The following IP6K1 variants were observed in gnomAD, a reference collection of about 807,000 sequenced individuals.
The protein encoded by IP6K1 is inositol hexakisphosphate kinase 1, also known as ATP:1D-myo-inositol-hexakisphosphate phosphotransferase.
A neutral mutation model predicts 38.3 loss-of-function variants in IP6K1; 13 were observed. That is an observed-to-expected ratio of 0.34 (90% CI 0.22 to 0.54). IP6K1 has a LOEUF of 0.54. Among genes scored for constraint, IP6K1 ranks in the 20% least tolerant of loss-of-function variants. IP6K1 has a pLI of 0.92. For missense variants in IP6K1, 397 were observed against 599.8 expected, an observed-to-expected ratio of 0.66 and a Z score of 3.53; for synonymous variants, 212 against 229.9, an observed-to-expected ratio of 0.92 and a Z score of 0.70.
intron 1 of IP6K1, among the ~76,000 whole-genome samples, chr3:49,783,814 A>G (rs1421306973): frequency 6.6e-6 from 1 of 152,034 alleles, no homozygotes; most frequent in Non-Finnish European, 1.5e-5. Flanking sequence ...TAATGAACTA[A>G]AGATTCAAAA....
intron 1 of IP6K1, among the ~76,000 whole-genome samples, chr3:49,767,396 T>A (rs1235077234): frequency 6.6e-6 from 1 of 152,012 alleles, no homozygotes; most frequent in Non-Finnish European, 1.5e-5. Flanking sequence ...CTGGCTAACA[T>A]GGTGAAACCC....
chr3:49,786,192 T>A (rs1357545917), intron 1 of IP6K1, 162 bp downstream of exon 1: 1 of 152,254 alleles, frequency 6.6e-6, no homozygotes, highest in Non-Finnish European at 1.5e-5. Flanking sequence ...GGTGCCAGCA[T>A]CTGGGAGGCT....
At chr3:49,744,160 T>C (rs1242124002) in intron 2 of IP6K1, among the ~76,000 whole-genome samples, 1 of 150,758 alleles carries the variant, frequency 6.6e-6, no homozygotes, top group Non-Finnish European at 1.5e-5. Context: ...CCCAGCACTT[T>C]GGGAGGCCGA....
In IP6K1 at chr3:49,728,297, G is replaced by A; in HGVS notation, c.617-19C>T. 6.2e-7 allele frequency: 1 copy of A among 1,608,364 alleles called. No homozygotes were observed. Among genetic ancestry groups the A allele is most frequent in the South Asian group, 1.1e-5 (1 of 90,992 alleles). On this transcript the variant is annotated intron_variant, in intron 4 of 5. Transcript: ENST00000321599. The stretch of plus-strand genomic sequence containing the variant: ...AGGAACTCTGGGCCACGGTCAAGGA[G>A]AATGACAACCACACTCACCATCAGC...
At chr3:49,753,887 G>C (rs2080799675) in intron 1 of IP6K1, among the ~76,000 whole-genome samples, 1 of 152,154 alleles carries the variant, frequency 6.6e-6, no homozygotes, top group South Asian at 2.1e-4. Flanking sequence ...TTTGATATAT[G>C]AAGGAAAAAT....
chr3:49,758,632 T>C (rs540931524), intron 1 of IP6K1: 1 of 152,398 alleles, frequency 6.6e-6, no homozygotes, highest in Non-Finnish European at 1.5e-5. Flanking sequence ...TGAGAAAAGC[T>C]AGTATCTTTC....
intron 1 of IP6K1, among the ~76,000 whole-genome samples, chr3:49,763,107 T>C (rs1459870749): frequency 6.9e-6 from 1 of 144,014 alleles, no homozygotes; most frequent in Non-Finnish European, 1.5e-5. Flanking sequence ...ATTATTTCTT[T>C]TTTTTTTTTT....
At chr3:49,746,351 A>G (rs2080720557) in intron 2 of IP6K1, among the ~76,000 whole-genome samples, 1 of 149,366 alleles carries the variant, frequency 6.7e-6, no homozygotes. Flanking sequence ...GTATACACTT[A>G]CAATTAAATA....
In IP6K1 at chr3:49,780,306, T is replaced by TCACACACACACACACACACACACACACA. The variant is rs1405695613; in HGVS notation, c.-129+6047_-129+6048insTGTGTGTGTGTGTGTGTGTGTGTGTGTG. ...AGCACACGAGAATCTTTATCATCTTTCATACACACACACACACACACACAC... is the reference window on the plus strand; with the variant it reads ...AGCACACGAGAATCTTTATCATCTTTCACACACACACACACACACACACACACACATACACACACACACACACACACAC... On this transcript the variant is annotated intron_variant, in intron 1 of 5. Transcript: ENST00000321599. Among the ~76,000 whole-genome samples the TCACACACACACACACACACACACACACA allele has an allele frequency of 7.7e-3, 84 of 10,840 alleles. 2 individuals are homozygous for TCACACACACACACACACACACACACACA. The highest frequency in any genetic ancestry group is 0.015 in the African/African-American group (67 of 4,362). 7.1% of individuals were successfully genotyped at this position (10,840 alleles called of 152,430 possible). A position where few individuals can be genotyped will look rare whatever the true frequency, so the allele number is the denominator to read the frequency against.
chr3:49,784,902 A>G (rs1039703223), intron 1 of IP6K1, among the ~76,000 whole-genome samples: 1 of 152,076 alleles, frequency 6.6e-6, no homozygotes, highest in Admixed American at 6.6e-5. Context: ...CCGAGATGGC[A>G]CCACTGTACT....
chr3:49,767,664 G>A (rs2080923467), intron 1 of IP6K1, among the ~76,000 whole-genome samples: 1 of 151,996 alleles, frequency 6.6e-6, no homozygotes, highest in South Asian at 2.1e-4. Flanking sequence ...TCAACACTTT[G>A]GGAGGCTGAT....
intron 1 of IP6K1, among the ~76,000 whole-genome samples, chr3:49,765,864 G>A (rs909997642): frequency 6.6e-5 from 10 of 151,016 alleles, no homozygotes; most frequent in Admixed American, 2.0e-4. Flanking sequence ...GCAACACAGC[G>A]AAACCCCATA....
At chr3:49,754,910 G>A (rs774026171) in intron 1 of IP6K1, among the ~76,000 whole-genome samples, 10 of 141,722 alleles carry the variant, frequency 7.1e-5, no homozygotes, top group Non-Finnish European at 1.5e-4. Flanking sequence ...TTAACCACTT[G>A]GGTTTGATAT....
chr3:49,747,032 AATGTT>A (rs1331471008), intron 2 of IP6K1, among the ~76,000 whole-genome samples: 8 of 152,214 alleles, frequency 5.3e-5, no homozygotes, highest in East Asian at 1.9e-4. Context: ...TAAAATGGTG[AATGTT>A]ATGTTATGTA....
At chr3:49,785,128 T>G (rs1249252272) in intron 1 of IP6K1, among the ~76,000 whole-genome samples, 1 of 152,166 alleles carries the variant, frequency 6.6e-6, no homozygotes, top group Non-Finnish European at 1.5e-5. Context: ...ACCTGCACAC[T>G]CTACTGAGGA....
intron 3 of IP6K1, among the ~76,000 whole-genome samples, chr3:49,737,555 G>A (rs1007679412): frequency 3.3e-5 from 5 of 151,994 alleles, no homozygotes; most frequent in African/African-American, 1.2e-4. Context: ...GTGTGGTGGT[G>A]CACGCCTGTA....
chr3:49,737,737 G>A (rs951506271), intron 3 of IP6K1, among the ~76,000 whole-genome samples: 2 of 152,074 alleles, frequency 1.3e-5, no homozygotes, highest in African/African-American at 2.4e-5. Flanking sequence ...CCAACACAAC[G>A]GAAACTAAAT....
chr3:49,772,261 CAT>C (rs1354811819), intron 1 of IP6K1, among the ~76,000 whole-genome samples: 1 of 145,736 alleles, frequency 6.9e-6, no homozygotes, highest in Non-Finnish European at 1.5e-5. Context: ...GTGTGTAACA[CAT>C]ATATATGTAA....
At chr3:49,765,326 G>C (rs1313849399) in intron 1 of IP6K1, among the ~76,000 whole-genome samples, 1 of 151,920 alleles carries the variant, frequency 6.6e-6, no homozygotes, top group Non-Finnish European at 1.5e-5. Flanking sequence ...CACTGGTAAG[G>C]GTAACTACAT....
Sources: allele counts gnomAD v4.1 joint callset (sites outside exome capture counted in the v4.1 genomes callset), GRCh38; gene constraint gnomAD v4.1.1; transcripts MANE v1.5; gene names NCBI Gene and HGNC (gene_info 2026-07-23, HGNC 2026-07-21).